ATP2B2: variants seen among roughly 807,000 people sequenced by gnomAD.
The protein encoded by ATP2B2 is plasma membrane calcium-transporting ATPase 2.
ATP2B2 carries 15 observed loss-of-function variants against 120.0 expected under a neutral mutation model. The observed-to-expected ratio is 0.12, with a 90% CI of 0.08 to 0.19. ATP2B2 has a LOEUF of 0.19. ATP2B2 is among the 10% of genes least tolerant of loss of function. The pLI, the probability that ATP2B2 is intolerant of heterozygous loss-of-function variation, is 1.00. For missense variants in ATP2B2, 1,045 were observed against 1,719.8 expected (o/e 0.61, Z 6.94); for synonymous variants, 694 against 700.3 (o/e 0.99, Z 0.14).
chr3:10,623,892 T>A (rs1443894300), intron 1 of ATP2B2, among the ~76,000 whole-genome samples: 1 of 152,144 alleles, frequency 6.6e-6, no homozygotes, highest in Non-Finnish European at 1.5e-5. Context: ...AAGCCTTGGG[T>A]TCTAATTCCA....
intron 2 of ATP2B2, among the ~76,000 whole-genome samples, chr3:10,557,969 C>T (rs1179435729): frequency 6.6e-6 from 1 of 152,092 alleles, no homozygotes; most frequent in Non-Finnish European, 1.5e-5. Flanking sequence ...GCATGAAGGC[C>T]CCTGGCCAGG....
chr3:10,482,814 T>TC (rs1231878021), intron 1 of ATP2B2, among the ~76,000 whole-genome samples: 1 of 152,190 alleles, frequency 6.6e-6, no homozygotes, highest in African/African-American at 2.4e-5. Context: ...AGGAAAGGCC[T>TC]CCGTCTGCCA....
At chr3:10,376,142 A>T (rs2061374421) in intron 10 of ATP2B2, among the ~76,000 whole-genome samples, 1 of 152,220 alleles carries the variant, frequency 6.6e-6, no homozygotes, top group Non-Finnish European at 1.5e-5. Context: ...ACACAGCAGT[A>T]AAGAAGACAA....
intron 3 of ATP2B2, among the ~76,000 whole-genome samples, chr3:10,404,320 T>G (rs1335789379): frequency 6.6e-6 from 1 of 152,218 alleles, no homozygotes; most frequent in Non-Finnish European, 1.5e-5. Flanking sequence ...TTTAAACTGT[T>G]TAGCAGGACC....
intron 1 of ATP2B2, among the ~76,000 whole-genome samples, chr3:10,653,551 C>T (rs1015751619): frequency 4.6e-5 from 7 of 152,164 alleles, no homozygotes; most frequent in South Asian, 2.1e-4. Context: ...CAGAATGCTC[C>T]GCCAAAGGCA....
Position 10,326,862 on chromosome 3 carries a change from G to C in ATP2B2, c.*1952C>G, listed in dbSNP as rs927511426. On this transcript the variant is annotated 3_prime_UTR_variant, in exon 23 of 23. Transcript: ENST00000360273. ...CCCAGTTGACTATGGCTCTTTTCCC[G>C]AGTGGCTCTCATCTTGTTTGTGGAA... The C allele has an allele frequency of 2.5e-6, 1 of 398,774 alleles. No individual in the cohort carries two copies. The highest frequency in any genetic ancestry group is 4.4e-5 in the Admixed American group (1 of 22,714). The allele number at this position is 398,774 out of a possible 1,614,324, so 24.7% of individuals were successfully genotyped here.
intron 12 of ATP2B2, among the ~76,000 whole-genome samples, chr3:10,367,391 C>T (rs953666106): frequency 1.3e-5 from 2 of 151,798 alleles, no homozygotes; most frequent in Non-Finnish European, 2.9e-5. Context: ...TTCCTAGCTG[C>T]GAGATGGGAA....
chr3:10,680,955 T>C (rs1227471849), intron 1 of ATP2B2, among the ~76,000 whole-genome samples: 1 of 152,148 alleles, frequency 6.6e-6, no homozygotes, highest in Non-Finnish European at 1.5e-5. Context: ...TTTAGCACCA[T>C]CTACCTGGTG....
chr3:10,478,883 T>C (rs2065298559), intron 1 of ATP2B2, among the ~76,000 whole-genome samples: 1 of 152,158 alleles, frequency 6.6e-6, no homozygotes, highest in Non-Finnish European at 1.5e-5. Context: ...GACTGGATCA[T>C]GGGGGTGGTT....
chr3:10,371,414 A>C (rs1351077429), intron 12 of ATP2B2, among the ~76,000 whole-genome samples: 3 of 152,224 alleles, frequency 2.0e-5, no homozygotes, highest in African/African-American at 7.2e-5. Flanking sequence ...CTGAGACCAG[A>C]AGAACCATCC....
intron 19 of ATP2B2, among the ~76,000 whole-genome samples, chr3:10,341,191 C>T (rs998249345): frequency 2.0e-5 from 3 of 152,206 alleles, no homozygotes; most frequent in South Asian, 2.1e-4. Context: ...GACTTCTGGG[C>T]TAGGCTGGCT....
intron 2 of ATP2B2, among the ~76,000 whole-genome samples, chr3:10,414,156 A>G: frequency 6.6e-6 from 1 of 152,192 alleles, no homozygotes; most frequent in East Asian, 1.9e-4. Context: ...TTTTGCCAAG[A>G]AAAAGTAGGT....
At chr3:10,413,546 G>C (rs547346149) in intron 2 of ATP2B2, among the ~76,000 whole-genome samples, 52 of 152,350 alleles carry the variant, frequency 3.4e-4, no homozygotes, top group African/African-American at 1.2e-3. Context: ...GGCCCTGAGA[G>C]CCCAGGGTAG....
chr3:10,460,727 C>A (rs1311206966), intron 1 of ATP2B2, among the ~76,000 whole-genome samples: 2 of 152,136 alleles, frequency 1.3e-5, no homozygotes, highest in Non-Finnish European at 2.9e-5. Flanking sequence ...CACTGTGGAC[C>A]CACTTCAGTC....
chr3:10,532,306 C>G (rs1247185824), intron 3 of ATP2B2, among the ~76,000 whole-genome samples: 2 of 152,184 alleles, frequency 1.3e-5, no homozygotes, highest in Non-Finnish European at 2.9e-5. Flanking sequence ...AGAGAGTGCT[C>G]AATAAACACT....
At chr3:10,355,651 C>T (rs1385633428) in intron 14 of ATP2B2, among the ~76,000 whole-genome samples, 1 of 152,182 alleles carries the variant, frequency 6.6e-6, no homozygotes, top group Non-Finnish European at 1.5e-5. Flanking sequence ...TCTGTGCCTG[C>T]AGCTAACTTC....
At chr3:10,382,652 C>T (rs981691448) in intron 8 of ATP2B2, among the ~76,000 whole-genome samples, 3 of 152,012 alleles carry the variant, frequency 2.0e-5, no homozygotes, top group Non-Finnish European at 4.4e-5. Context: ...TCATTGCGCC[C>T]GGCCTCATGA....
At chr3:10,407,911 A>C (rs1157744651) in intron 3 of ATP2B2, among the ~76,000 whole-genome samples, 1 of 152,182 alleles carries the variant, frequency 6.6e-6, no homozygotes. Context: ...GAAGACACTG[A>C]AGCTGAGCAC....
intron 22 of ATP2B2, among the ~76,000 whole-genome samples, chr3:10,331,182 G>A (rs1286835791): frequency 6.6e-6 from 1 of 152,192 alleles, no homozygotes; most frequent in Non-Finnish European, 1.5e-5. Flanking sequence ...CATGGCCACT[G>A]TGGCTGCTCT....
Sources: allele counts gnomAD v4.1 joint callset (sites outside exome capture counted in the v4.1 genomes callset), GRCh38; gene constraint gnomAD v4.1.1; transcripts MANE v1.5; gene names NCBI Gene and HGNC (gene_info 2026-07-23, HGNC 2026-07-21).